GPATCH2: variants seen among roughly 807,000 people sequenced by gnomAD.
GPATCH2 encodes G-patch domain containing 2, also known as G patch domain-containing protein 2.
A neutral mutation model predicts 58.0 loss-of-function variants in GPATCH2; 51 were observed. The observed-to-expected ratio is 0.88, with a 90% CI of 0.70 to 1.11. The LOEUF (loss-of-function observed/expected upper bound fraction) is 1.11. Ranked by LOEUF, GPATCH2 falls within the 50% of genes most tolerant of loss-of-function variation. GPATCH2 has a pLI of 0.00. For synonymous variants in GPATCH2, 222 were observed against 218.5 expected (o/e 1.02, Z -0.14); for missense variants, 625 against 652.2 (o/e 0.96, Z 0.45).
At chr1:217,551,076 G>C (rs935239285) in intron 5 of GPATCH2, among the ~76,000 whole-genome samples, 10 of 150,942 alleles carry the variant, frequency 6.6e-5, no homozygotes, top group Admixed American at 5.9e-4. Flanking sequence ...CATTCAAGAA[G>C]CTTTAAATTC....
chr1:217,592,185 C>CT (rs1226012311), intron 5 of GPATCH2, among the ~76,000 whole-genome samples: 1 of 151,976 alleles, frequency 6.6e-6, no homozygotes, highest in African/African-American at 2.4e-5. Flanking sequence ...TATTTTTTAA[C>CT]TGCTAACTTA....
At chr1:217,559,986 G>A (rs1001152132) in intron 5 of GPATCH2, among the ~76,000 whole-genome samples, 2 of 151,966 alleles carry the variant, frequency 1.3e-5, no homozygotes, top group Admixed American at 1.3e-4. Flanking sequence ...GTAGCTGGGA[G>A]TACAGGCACA....
At chr1:217,555,199 G>T (rs1558480568) in intron 5 of GPATCH2, among the ~76,000 whole-genome samples, 1 of 152,140 alleles carries the variant, frequency 6.6e-6, no homozygotes, top group Non-Finnish European at 1.5e-5. Context: ...GAAAAGTAAT[G>T]CAGCAAAAGG....
At chr1:217,487,745 T>C (rs1277103043) in intron 8 of GPATCH2, among the ~76,000 whole-genome samples, 1 of 151,478 alleles carries the variant, frequency 6.6e-6, no homozygotes, top group Non-Finnish European at 1.5e-5. Flanking sequence ...TTTTTCACTG[T>C]AACCTATGTT....
intron 5 of GPATCH2, among the ~76,000 whole-genome samples, chr1:217,541,969 A>G (rs919195665): frequency 1.3e-5 from 2 of 152,186 alleles, no homozygotes; most frequent in Non-Finnish European, 2.9e-5. Flanking sequence ...TTATAGAAAG[A>G]CCAAACATCC....
chr1:217,514,132 G>A (rs148530720), intron 6 of GPATCH2, among the ~76,000 whole-genome samples: 2,540 of 141,196 alleles, frequency 0.018, 40 homozygotes, highest in South Asian at 0.063. Flanking sequence ...TGGCCCCCCC[G>A]CAAAAAAAGC....
intron 8 of GPATCH2, among the ~76,000 whole-genome samples, chr1:217,461,333 TC>T (rs1660189122): frequency 6.6e-6 from 1 of 152,198 alleles, no homozygotes; most frequent in African/African-American, 2.4e-5. Flanking sequence ...TGCAGAGTCT[TC>T]TGATACCCAT....
At chr1:217,433,119 C>T (rs66881103) in intron 9 of GPATCH2, among the ~76,000 whole-genome samples, 12,975 of 152,056 alleles carry the variant, frequency 0.085, 604 homozygotes, top group Middle Eastern at 0.13. Context: ...TCTTCCCTGA[C>T]TCAGGATTAT....
chr1:217,427,051 A>C lies in GPATCH2; in HGVS notation c.*4094T>G, dbSNP rs961355352. ...GTGAAATGCCTCTTACAGCAAACAA[A>C]ACTCAACACTTCAATGCATATTACA... On this transcript the variant is annotated 3_prime_UTR_variant, in exon 10 of 10. Transcript: ENST00000366935. The C allele has an allele frequency of 6.6e-6, 1 of 152,194 alleles. No individual in the cohort carries two copies. The highest frequency in any genetic ancestry group is 1.5e-5 in the Non-Finnish European group (1 of 68,020). 9.4% of individuals were successfully genotyped at this position (152,194 alleles called of 1,614,324 possible).
At chr1:217,473,061 A>G (rs1660802952) in intron 8 of GPATCH2, among the ~76,000 whole-genome samples, 2 of 152,158 alleles carry the variant, frequency 1.3e-5, no homozygotes, top group Non-Finnish European at 2.9e-5. Flanking sequence ...AGCTTTCCTG[A>G]GCCTTGGGAG....
At chr1:217,462,275 A>G (rs1195708068) in intron 8 of GPATCH2, among the ~76,000 whole-genome samples, 7 of 152,208 alleles carry the variant, frequency 4.6e-5, no homozygotes, top group East Asian at 3.8e-4. Flanking sequence ...TTTTCTTTAG[A>G]AAAACATACA....
intron 3 of GPATCH2, among the ~76,000 whole-genome samples, chr1:217,611,411 A>G (rs960473513): frequency 6.6e-6 from 1 of 152,148 alleles, no homozygotes; most frequent in African/African-American, 2.4e-5. Context: ...ATGTTATCTT[A>G]AGACTCTAAG....
At chr1:217,591,111 G>A (rs927690014) in intron 5 of GPATCH2, among the ~76,000 whole-genome samples, 12 of 152,146 alleles carry the variant, frequency 7.9e-5, no homozygotes, top group Admixed American at 7.2e-4. Flanking sequence ...AGACTTGATA[G>A]TGGTACAAAA....
At chr1:217,587,393 G>C (rs1239212570) in intron 5 of GPATCH2, among the ~76,000 whole-genome samples, 1 of 151,966 alleles carries the variant, frequency 6.6e-6, no homozygotes, top group African/African-American at 2.4e-5. Flanking sequence ...CCTACAAAAT[G>C]ACTACTTAAA....
chr1:217,570,451 C>T (rs564920516), intron 5 of GPATCH2, among the ~76,000 whole-genome samples: 2 of 152,240 alleles, frequency 1.3e-5, no homozygotes, highest in East Asian at 3.9e-4. Flanking sequence ...GTGTTTGTTC[C>T]TGTTTTCTTT....
chr1:217,515,189 A>G (rs1021303899), intron 5 of GPATCH2, among the ~76,000 whole-genome samples: 3 of 150,294 alleles, frequency 2.0e-5, no homozygotes, highest in East Asian at 2.0e-4. Context: ...TCCGCCTCCC[A>G]GGTTCACGCC....
intron 1 of GPATCH2, among the ~76,000 whole-genome samples, chr1:217,620,787 G>C (rs145241064): frequency 1.8e-3 from 273 of 152,284 alleles, no homozygotes; most frequent in African/African-American, 5.8e-3. Context: ...TTATGGAAAA[G>C]TTCTGTTTAA....
At chr1:217,537,345 G>A (rs1664527906) in intron 5 of GPATCH2, among the ~76,000 whole-genome samples, 1 of 152,152 alleles carries the variant, frequency 6.6e-6, no homozygotes, top group Admixed American at 6.5e-5. Context: ...ACTTAAGACA[G>A]TGTGTGGCAC....
chr1:217,541,848 G>A (rs1416918921), intron 5 of GPATCH2, among the ~76,000 whole-genome samples: 1 of 152,148 alleles, frequency 6.6e-6, no homozygotes, highest in African/African-American at 2.4e-5. Context: ...TTAGATAAAT[G>A]ACAAAGTGGA....
Sources: allele counts gnomAD v4.1 joint callset (sites outside exome capture counted in the v4.1 genomes callset), GRCh38; gene constraint gnomAD v4.1.1; transcripts MANE v1.5; gene names NCBI Gene and HGNC (gene_info 2026-07-23, HGNC 2026-07-21).